TMEM223: variants seen among roughly 807,000 people sequenced by gnomAD.
The protein encoded by TMEM223 is transmembrane protein 223.
In TMEM223, 14 loss-of-function variants were observed where a neutral mutation model predicts 14.1. The observed-to-expected ratio is 0.99, with a 90% CI of 0.66 to 1.55. The LOEUF is 1.55. Among genes scored for constraint, TMEM223 ranks in the 40% most tolerant of loss-of-function variants. The pLI, the probability that TMEM223 is intolerant of heterozygous loss-of-function variation, is 0.00. For missense variants in TMEM223, 346 were observed against 269.9 expected (o/e 1.28, Z -1.97); for synonymous variants, 145 against 120.5 (o/e 1.20, Z -1.33).
intron 1 of TMEM223, chr11:62,775,910 C>G (rs1284882457): frequency 6.2e-7 from 1 of 1,612,124 alleles, no homozygotes; most frequent in Non-Finnish European, 8.5e-7. Flanking sequence ...CGTGTGCTAT[C>G]GTCTGAGAGA....
At chr11:62,785,913 C>T (rs2084270416), downstream of TMEM223, 1 of 169,444 alleles carries the variant, frequency 5.9e-6, no homozygotes, top group African/African-American at 2.4e-5. Flanking sequence ...TGAACTGAGT[C>T]TCAGTTTACA....
chr11:62,781,091 C>A (rs750962985), intron 1 of TMEM223, among the ~76,000 whole-genome samples: 1 of 151,584 alleles, frequency 6.6e-6, no homozygotes, highest in Non-Finnish European at 1.5e-5. Flanking sequence ...CAAAAATTAG[C>A]TGGGCGTGGT....
intron 1 of TMEM223, chr11:62,778,889 C>G: frequency 6.2e-7 from 1 of 1,614,164 alleles, no homozygotes; most frequent in Non-Finnish European, 8.5e-7. Flanking sequence ...TGTGTCTTCA[C>G]TGACAGATGA....
downstream of TMEM223, chr11:62,789,382 C>G: frequency 6.2e-7 from 1 of 1,613,954 alleles, no homozygotes; most frequent in Non-Finnish European, 8.5e-7. Context: ...GATTTGGCAC[C>G]AGGTCTCTCT....
At chr11:62,787,614 C>T (rs7941706), downstream of TMEM223, 744,901 of 1,424,038 alleles carry the variant, frequency 0.52, 205,924 homozygotes, top group Non-Finnish European at 0.58. Flanking sequence ...ACCGGGCTTG[C>T]TGCTGCTCGG....
chr11:62,786,352 C>G (rs140375142), downstream of TMEM223: 1 of 1,614,162 alleles, frequency 6.2e-7, no homozygotes, highest in Non-Finnish European at 8.5e-7. Context: ...ATGCCCAGGT[C>G]AAAGCAGATG....
At chr11:62,776,345 C>T (rs1033111752) in intron 1 of TMEM223, 11 of 1,607,810 alleles carry the variant, frequency 6.8e-6, no homozygotes, top group Non-Finnish European at 9.4e-6. Context: ...CCCCCTGCTT[C>T]ACATCCTTTG....
intron 2 of TMEM223, among the ~76,000 whole-genome samples, chr11:62,773,307 C>T (rs2084163286): frequency 6.6e-6 from 1 of 151,668 alleles, no homozygotes; most frequent in Non-Finnish European, 1.5e-5. Context: ...ACCACCATGC[C>T]TAGCTAATTT....
chr11:62,782,107 C>A, intron 1 of TMEM223: 1 of 1,600,226 alleles, frequency 6.2e-7, no homozygotes, highest in Non-Finnish European at 8.5e-7. Flanking sequence ...CCTCTTCTCC[C>A]AACAGGTGAA....
At chr11:62,787,113 C>T (rs761950449), downstream of TMEM223, 171 of 1,551,836 alleles carry the variant, frequency 1.1e-4, no homozygotes, top group Non-Finnish European at 1.4e-4. Context: ...ACTTTCGTTT[C>T]ATCATAGCCG....
At chr11:62,789,935 A>C (rs1374411754), downstream of TMEM223, 1 of 1,613,954 alleles carries the variant, frequency 6.2e-7, no homozygotes, top group African/African-American at 1.3e-5. Flanking sequence ...TTGGTGCTCC[A>C]GGTCGTGCAG....
chr11:62,790,103 C>T lies in TMEM223; in HGVS notation c.*520G>A. On this transcript the variant is annotated 3_prime_UTR_variant, in exon 2 of 2. Transcript: ENST00000307366. ...GACTCCATGCCCAAGTGCCTGTAATCCCCCCCCTCAAGGCCCTGTTTATGT... is the reference window on the plus strand; with the variant it reads ...GACTCCATGCCCAAGTGCCTGTAATTCCCCCCCTCAAGGCCCTGTTTATGT... 6.9e-7 allele frequency: 1 copy of T among 1,454,992 alleles called. No homozygotes were observed. Among genetic ancestry groups the T allele is most frequent in the East Asian group, 2.4e-5 (1 of 41,556 alleles). 90.1% of individuals were successfully genotyped at this position (1,454,992 alleles called of 1,614,324 possible).
chr11:62,789,362 T>C (rs775772085), downstream of TMEM223: 3 of 1,613,966 alleles, frequency 1.9e-6, no homozygotes, highest in Non-Finnish European at 1.7e-6. Context: ...GGTGTCTGCC[T>C]GTATCCTTCG....
At chr11:62,786,480 C>G, downstream of TMEM223, 1 of 1,579,406 alleles carries the variant, frequency 6.3e-7, no homozygotes, top group Non-Finnish European at 8.6e-7. Flanking sequence ...CCAGGTTCCT[C>G]GAATTTTTTG....
At chr11:62,788,400 G>A (rs914087888), downstream of TMEM223, among the ~76,000 whole-genome samples, 1 of 147,628 alleles carries the variant, frequency 6.8e-6, no homozygotes, top group Non-Finnish European at 1.5e-5. Flanking sequence ...AATCTCCATC[G>A]CAAAAACAAA....
chr11:62,772,153 A>T, intron 2 of TMEM223: 1 of 456,288 alleles, frequency 2.2e-6, no homozygotes, highest in Admixed American at 2.3e-5. Flanking sequence ...GACGAAATAC[A>T]TAATAATATC....
downstream of TMEM223, chr11:62,786,123 A>C (rs2084272450): frequency 9.3e-7 from 1 of 1,079,662 alleles, no homozygotes; most frequent in East Asian, 2.4e-5. Flanking sequence ...ATATGGTTGA[A>C]TATGCCAATC....
downstream of TMEM223, chr11:62,787,104 C>T (rs1036453066): frequency 1.3e-6 from 2 of 1,547,662 alleles, no homozygotes; most frequent in African/African-American, 2.8e-5. Context: ...GCGCCCCGCA[C>T]TTTCGTTTCA....
chr11:62,787,481 C>T, downstream of TMEM223: 1 of 1,579,050 alleles, frequency 6.3e-7, no homozygotes, highest in East Asian at 2.3e-5. Flanking sequence ...TTTGCTGCCG[C>T]CTTCCTGTGC....
Sources: allele counts gnomAD v4.1 joint callset (sites outside exome capture counted in the v4.1 genomes callset), GRCh38; gene constraint gnomAD v4.1.1; transcripts MANE v1.5; gene names NCBI Gene and HGNC (gene_info 2026-07-23, HGNC 2026-07-21).